SH3GL3: variants seen among roughly 807,000 people sequenced by gnomAD.
SH3GL3 encodes endophilin-A3.
In SH3GL3, 33 loss-of-function variants were observed where a neutral mutation model predicts 47.7. That is an observed-to-expected ratio of 0.69 (90% confidence interval 0.52 to 0.92). The LOEUF is 0.92. Among genes scored for constraint, SH3GL3 ranks in the 40% least tolerant of loss-of-function variants. SH3GL3 has a pLI of 0.00. For synonymous variants in SH3GL3, 155 were observed against 148.8 expected, an observed-to-expected ratio of 1.04 and a Z score of -0.30; for missense variants, 363 against 417.8, an observed-to-expected ratio of 0.87 and a Z score of 1.14.
chr15:83,541,138 A>T (rs2044132387), intron 1 of SH3GL3, among the ~76,000 whole-genome samples: 1 of 151,986 alleles, frequency 6.6e-6, no homozygotes. Context: ...TTATGGCTGA[A>T]TATGTACCAC....
chr15:83,580,245 G>T (rs377567677), intron 6 of SH3GL3, among the ~76,000 whole-genome samples: 2 of 152,194 alleles, frequency 1.3e-5, no homozygotes, highest in Non-Finnish European at 2.9e-5. Context: ...CTTCGGGATG[G>T]CTGGGGAGGG....
At chr15:83,574,092 C>T (rs1026532077) in intron 5 of SH3GL3, among the ~76,000 whole-genome samples, 1 of 152,100 alleles carries the variant, frequency 6.6e-6, no homozygotes, top group Non-Finnish European at 1.5e-5. Context: ...TGAGAGCAGG[C>T]AGGCTCGGGG....
chr15:83,618,788 GTCT>G (rs2060892934), downstream of SH3GL3: 1 of 165,586 alleles, frequency 6.0e-6, no homozygotes, highest in Non-Finnish European at 1.3e-5. Flanking sequence ...TTTAAGCACA[GTCT>G]TCCAGCTGCA....
chr15:83,560,619 C>A (rs1266306383), intron 2 of SH3GL3, among the ~76,000 whole-genome samples: 1 of 152,072 alleles, frequency 6.6e-6, no homozygotes, highest in Non-Finnish European at 1.5e-5. Context: ...CTTTTACCTC[C>A]AAAAACCCCA....
At chr15:83,566,346 CAGAG>C (rs147698292) in intron 3 of SH3GL3, among the ~76,000 whole-genome samples, 17 of 134,386 alleles carry the variant, frequency 1.3e-4, no homozygotes, top group Admixed American at 3.8e-4. Context: ...GAAAGATGGG[CAGAG>C]AGAGAGAGAG....
At chr15:83,494,443 C>T (rs550980589) in intron 1 of SH3GL3, among the ~76,000 whole-genome samples, 7 of 152,312 alleles carry the variant, frequency 4.6e-5, no homozygotes, top group African/African-American at 1.7e-4. Context: ...AAGTTCTTCT[C>T]TCCTTCTGTG....
chr15:83,503,449 TTTAAG>T (rs1156614060), intron 1 of SH3GL3, among the ~76,000 whole-genome samples: 1 of 152,228 alleles, frequency 6.6e-6, no homozygotes, highest in East Asian at 1.9e-4. Flanking sequence ...TTGTTAGATA[TTTAAG>T]TTGTTACCAG....
chr15:83,492,686 G>A (rs973118984), intron 1 of SH3GL3, among the ~76,000 whole-genome samples: 1 of 152,218 alleles, frequency 6.6e-6, no homozygotes, highest in African/African-American at 2.4e-5. Context: ...AAGATGGGTG[G>A]AAAGCTGGTG....
At chr15:83,628,368 G>C in the SH3GL3 span, among the ~76,000 whole-genome samples, 1 of 152,296 alleles carries the variant, frequency 6.6e-6, no homozygotes, top group East Asian at 1.9e-4. Context: ...CTATATATAA[G>C]ACATATTCTT....
chr15:83,462,468 G>T (rs2040349842), intron 1 of SH3GL3, among the ~76,000 whole-genome samples: 1 of 152,152 alleles, frequency 6.6e-6, no homozygotes, highest in Admixed American at 6.5e-5. Context: ...GTACTAGTGG[G>T]CCCTTTTACA....
chr15:83,607,840 A>AAATAATAATAATAATAATAAT (rs60113695), intron 8 of SH3GL3, among the ~76,000 whole-genome samples: 15 of 142,940 alleles, frequency 1.0e-4, no homozygotes, highest in Non-Finnish European at 1.5e-5. Flanking sequence ...TCAGAGTGGC[A>AAATAATAATAATAATAATAAT]AATAATAATA....
chr15:83,586,322 ATTCATT>A (rs1233804036), intron 6 of SH3GL3, among the ~76,000 whole-genome samples: 1 of 152,198 alleles, frequency 6.6e-6, no homozygotes, highest in Non-Finnish European at 1.5e-5. Flanking sequence ...GCTCTAAAAA[ATTCATT>A]GTAAGTTAGT....
intron 1 of SH3GL3, among the ~76,000 whole-genome samples, chr15:83,450,453 T>C (rs148087252): frequency 2.0e-5 from 3 of 152,258 alleles, no homozygotes; most frequent in African/African-American, 7.2e-5. Context: ...TTCTGAAAGA[T>C]AAGCGAGGTA....
chr15:83,567,322 G>A (rs775245075), intron 3 of SH3GL3, among the ~76,000 whole-genome samples: 9 of 152,078 alleles, frequency 5.9e-5, no homozygotes, highest in Non-Finnish European at 8.8e-5. Flanking sequence ...CCCTTGCCCT[G>A]CACCACACTG....
At chr15:83,552,257 A>G (rs2044704260) in intron 1 of SH3GL3, among the ~76,000 whole-genome samples, 1 of 152,246 alleles carries the variant, frequency 6.6e-6, no homozygotes, top group South Asian at 2.1e-4. Flanking sequence ...TTGAAACATT[A>G]AATTGAGGTG....
At chr15:83,591,088 A>G (rs1369353028) in intron 8 of SH3GL3, among the ~76,000 whole-genome samples, 1 of 152,034 alleles carries the variant, frequency 6.6e-6, no homozygotes, top group Non-Finnish European at 1.5e-5. Flanking sequence ...GCTCACTGCA[A>G]CCTCCGCCTC....
At chr15:83,538,661 A>G (rs1214694850) in intron 1 of SH3GL3, among the ~76,000 whole-genome samples, 1 of 152,168 alleles carries the variant, frequency 6.6e-6, no homozygotes. Context: ...ATTCAATGTT[A>G]TGTCTGAAAT....
intron 1 of SH3GL3, among the ~76,000 whole-genome samples, chr15:83,468,966 C>T (rs999664525): frequency 2.6e-5 from 4 of 151,914 alleles, no homozygotes; most frequent in Admixed American, 6.6e-5. Flanking sequence ...CTGGTGATTT[C>T]TCATTTGGGA....
At chr15:83,521,510 T>C (rs1349091043) in intron 1 of SH3GL3, among the ~76,000 whole-genome samples, 5 of 152,116 alleles carry the variant, frequency 3.3e-5, no homozygotes, top group Admixed American at 2.6e-4. Context: ...GCTCCTGCTT[T>C]ACCCGCTGCT....
Sources: allele counts gnomAD v4.1 joint callset (sites outside exome capture counted in the v4.1 genomes callset), GRCh38; gene constraint gnomAD v4.1.1; transcripts MANE v1.5; gene names NCBI Gene and HGNC (gene_info 2026-07-23, HGNC 2026-07-21).